The following SCHIP1 variants were observed in gnomAD, a reference collection of about 807,000 sequenced individuals.
The protein encoded by SCHIP1 is schwannomin interacting protein 1, also known as schwannomin-interacting protein 1.
SCHIP1 carries 8 observed loss-of-function variants against 29.7 expected under a neutral mutation model. That is an observed-to-expected ratio of 0.27 (90% CI 0.16 to 0.49). The LOEUF (loss-of-function observed/expected upper bound fraction) is 0.49, where lower values mean the gene tolerates loss of function less well. SCHIP1 is among the 20% of genes least tolerant of loss of function. The probability of loss-of-function intolerance (pLI) is 0.99; values close to 1 mark genes in which losing one functional copy is unlikely to be tolerated. For missense variants in SCHIP1, 193 were observed against 294.6 expected, an observed-to-expected ratio of 0.66 and a Z score of 2.52; for synonymous variants, 76 against 94.9, an observed-to-expected ratio of 0.80 and a Z score of 1.16.
At chr3:159,416,033 C>CAG in the SCHIP1 span, among the ~76,000 whole-genome samples, 83,365 of 151,888 alleles carry the variant, frequency 0.55, 24,306 homozygotes, top group East Asian at 0.75. Flanking sequence ...TGATGGCAAA[C>CAG]AGTCAAACTG....
the SCHIP1 span, among the ~76,000 whole-genome samples, chr3:159,803,191 G>A: frequency 4.6e-5 from 7 of 152,114 alleles, no homozygotes; most frequent in East Asian, 1.9e-4. Context: ...GTGTGTGTGT[G>A]TGTGTTGCAA....
chr3:159,626,228 ATCTAGATATATCTATCTATC>A, the SCHIP1 span, among the ~76,000 whole-genome samples: 4 of 113,890 alleles, frequency 3.5e-5, no homozygotes, highest in African/African-American at 2.4e-4. Context: ...ATATATATAT[ATCTAGATATATCTATCTATC>A]TATATAGATA....
chr3:159,591,967 G>A, the SCHIP1 span, among the ~76,000 whole-genome samples: 8,614 of 148,050 alleles, frequency 0.058, 874 homozygotes, highest in African/African-American at 0.21. Context: ...AATGTGGAGG[G>A]CCCTCAAAAA....
At chr3:159,626,243 TCTATCTATATAGATAGATAGATAGATAG>T in the SCHIP1 span, among the ~76,000 whole-genome samples, 1 of 111,976 alleles carries the variant, frequency 8.9e-6, no homozygotes, top group African/African-American at 4.3e-5. Flanking sequence ...GATATATCTA[TCTATCTATATAGATAGATAGATAGATAG>T]ATAGATAGAT....
the SCHIP1 span, among the ~76,000 whole-genome samples, chr3:159,627,640 A>G: frequency 3.9e-5 from 6 of 152,332 alleles, no homozygotes; most frequent in African/African-American, 9.6e-5. Flanking sequence ...CTGGGAGTTC[A>G]TCGCCTAGTG....
the SCHIP1 span, chr3:159,764,199 C>T: frequency 3.1e-4 from 140 of 454,500 alleles, no homozygotes; most frequent in South Asian, 7.2e-3. This position sits in a 1 kb window ranked among gnomAD's most constrained non-coding sequence, Gnocchi z 6.1. Context: ...GCGCTGGTGG[C>T]TGGGCACCCC....
At chr3:159,671,409 G>C in the SCHIP1 span, among the ~76,000 whole-genome samples, 3 of 151,992 alleles carry the variant, frequency 2.0e-5, no homozygotes, top group Admixed American at 1.3e-4. Flanking sequence ...CCTCCTTCTC[G>C]GTCCAGGTAT....
chr3:159,402,807 G>T, the SCHIP1 span, among the ~76,000 whole-genome samples: 4,106 of 152,130 alleles, frequency 0.027, 74 homozygotes, highest in East Asian at 0.11. Flanking sequence ...GGGAGGGATA[G>T]CATTAGGAGA....
At chr3:159,422,836 T>C in the SCHIP1 span, among the ~76,000 whole-genome samples, 25,063 of 152,202 alleles carry the variant, frequency 0.16, 2,409 homozygotes, top group South Asian at 0.37. Flanking sequence ...AATTTACTTG[T>C]CTTTTCAACA....
chr3:159,623,929 C>A, the SCHIP1 span, among the ~76,000 whole-genome samples: 1 of 152,152 alleles, frequency 6.6e-6, no homozygotes. Context: ...TTCCCTACTC[C>A]CACTGCCTTC....
chr3:159,548,612 C>T, the SCHIP1 span, among the ~76,000 whole-genome samples: 1 of 151,798 alleles, frequency 6.6e-6, no homozygotes, highest in Non-Finnish European at 1.5e-5. Context: ...TTTTCTAGTT[C>T]TTTCTATTGG....
the SCHIP1 span, among the ~76,000 whole-genome samples, chr3:159,586,964 T>A: frequency 6.6e-6 from 1 of 152,170 alleles, no homozygotes; most frequent in Non-Finnish European, 1.5e-5. Flanking sequence ...CATATACGTG[T>A]CAGCAGAGAG....
At chr3:159,488,927 C>A in the SCHIP1 span, among the ~76,000 whole-genome samples, 1 of 152,178 alleles carries the variant, frequency 6.6e-6, no homozygotes, top group Admixed American at 6.5e-5. Flanking sequence ...TAATGGAGCA[C>A]ATGTTGAATA....
the SCHIP1 span, among the ~76,000 whole-genome samples, chr3:159,286,646 C>T: frequency 2.4e-4 from 36 of 152,242 alleles, no homozygotes; most frequent in Non-Finnish European, 4.1e-4. Flanking sequence ...GAGAAATGGC[C>T]AAACTGCTTT....
the SCHIP1 span, chr3:159,274,268 A>G: frequency 3.0e-6 from 3 of 985,242 alleles, no homozygotes; most frequent in Non-Finnish European, 3.6e-6. Context: ...GTAGTTCCTG[A>G]TTTGTACAGT....
At chr3:159,674,040 C>T in the SCHIP1 span, among the ~76,000 whole-genome samples, 4 of 152,154 alleles carry the variant, frequency 2.6e-5, no homozygotes, top group Admixed American at 6.5e-5. Context: ...CTGAAACCGT[C>T]TCTTTACATA....
chr3:159,424,761 G>A, the SCHIP1 span, among the ~76,000 whole-genome samples: 3 of 152,122 alleles, frequency 2.0e-5, no homozygotes, highest in Non-Finnish European at 4.4e-5. Flanking sequence ...AAGTTGAAAT[G>A]CAGGAAAAAA....
the SCHIP1 span, among the ~76,000 whole-genome samples, chr3:159,485,059 T>C: frequency 6.6e-6 from 1 of 152,214 alleles, no homozygotes; most frequent in Non-Finnish European, 1.5e-5. Context: ...TCTACTTTTC[T>C]CTTGGCCAAA....
the SCHIP1 span, among the ~76,000 whole-genome samples, chr3:159,327,213 G>C: frequency 1.3e-5 from 2 of 152,182 alleles, no homozygotes; most frequent in Non-Finnish European, 2.9e-5. Context: ...TGGGCAACCA[G>C]GATTGCATTG....
Sources: allele counts gnomAD v4.1 joint callset (sites outside exome capture counted in the v4.1 genomes callset), GRCh38; gene constraint gnomAD v4.1.1; non-coding constraint Gnocchi (gnomAD v3.1); transcripts MANE v1.5; gene names NCBI Gene and HGNC (gene_info 2026-07-23, HGNC 2026-07-21).